Variants in TRAF3 observed in about 807,000 individuals in gnomAD.
TRAF3 encodes TNF receptor associated factor 3.
In TRAF3, 13 loss-of-function variants were observed where a neutral mutation model predicts 62.3. That is an observed-to-expected ratio of 0.21 (90% CI 0.14 to 0.33). The LOEUF (loss-of-function observed/expected upper bound fraction) is 0.33, where lower values mean the gene tolerates loss of function less well. Among genes scored for constraint, TRAF3 ranks in the 10% least tolerant of loss-of-function variants. The probability of loss-of-function intolerance (pLI) is 1.00; values close to 1 mark genes in which losing one functional copy is unlikely to be tolerated. For synonymous variants in TRAF3, 269 were observed against 283.4 expected, an observed-to-expected ratio of 0.95 and a Z score of 0.51; for missense variants, 440 against 741.8, an observed-to-expected ratio of 0.59 and a Z score of 4.73.
In TRAF3 at chr14:102,903,678, A is replaced by G. The variant is rs1235915561; in HGVS notation, c.1135+249A>G. 1 of 629,046 alleles carries G rather than the reference A, an allele frequency of 1.6e-6. No individual in the cohort carries two copies. Among genetic ancestry groups the G allele is most frequent in the Non-Finnish European group, 2.9e-6 (1 of 343,534 alleles). 39.0% of individuals were successfully genotyped at this position (629,046 alleles called of 1,614,324 possible). On this transcript the variant is annotated intron_variant, in intron 11 of 11. Transcript: ENST00000392745. This position sits in a 1 kb window ranked among gnomAD's most constrained non-coding sequence, Gnocchi z 6.4. Reference sequence around the variant, plus strand: ...TGGTGTAGAAAGTAGGGGCAGCTGCAGCCACGGGAAGCTGCAAAGCCCTCC... The same window carrying G: ...TGGTGTAGAAAGTAGGGGCAGCTGCGGCCACGGGAAGCTGCAAAGCCCTCC...
intron 4 of TRAF3, among the ~76,000 whole-genome samples, chr14:102,872,210 A>G (rs968781890): frequency 6.6e-6 from 1 of 152,126 alleles, no homozygotes; most frequent in Admixed American, 6.5e-5. Flanking sequence ...ACCTGTAATA[A>G]TCATATCACC....
At chr14:102,796,690 C>T (rs146528623) in intron 1 of TRAF3, among the ~76,000 whole-genome samples, 1 of 152,354 alleles carries the variant, frequency 6.6e-6, no homozygotes, top group Non-Finnish European at 1.5e-5. Context: ...CCCGGAATGA[C>T]TGGCTGCTGC....
intron 10 of TRAF3, among the ~76,000 whole-genome samples, chr14:102,900,291 A>G (rs1890225260): frequency 6.6e-6 from 1 of 151,684 alleles, no homozygotes; most frequent in Non-Finnish European, 1.5e-5. Context: ...TCACGAGGTC[A>G]GGAGTTCAAG....
chr14:102,883,387 T>C (rs1047672026), intron 6 of TRAF3, among the ~76,000 whole-genome samples: 1 of 152,190 alleles, frequency 6.6e-6, no homozygotes, highest in African/African-American at 2.4e-5. Context: ...CAGTGTTTCA[T>C]TTGGCACACA....
At chr14:102,795,726 ACT>A (rs1291312521) in intron 1 of TRAF3, among the ~76,000 whole-genome samples, 1 of 151,824 alleles carries the variant, frequency 6.6e-6, no homozygotes, top group Non-Finnish European at 1.5e-5. Flanking sequence ...CCAAGGCAGG[ACT>A]CTAATCTGAC....
At chr14:102,779,926 C>T (rs1185382523) in intron 1 of TRAF3, among the ~76,000 whole-genome samples, 5 of 152,218 alleles carry the variant, frequency 3.3e-5, no homozygotes, top group African/African-American at 7.2e-5. Flanking sequence ...GCAGAGGCGA[C>T]GTCTCGTGGC....
At chr14:102,847,265 C>G (rs1347536413) in intron 2 of TRAF3, among the ~76,000 whole-genome samples, 1 of 152,178 alleles carries the variant, frequency 6.6e-6, no homozygotes, top group African/African-American at 2.4e-5. Flanking sequence ...GCCTCCGCCT[C>G]CTGGGTTCAA....
At chr14:102,813,311 A>G (rs138968824) in intron 1 of TRAF3, among the ~76,000 whole-genome samples, 103 of 152,086 alleles carry the variant, frequency 6.8e-4, no homozygotes, top group Non-Finnish European at 1.3e-3. Context: ...CTGGGGTGAG[A>G]TGATACCTCA....
Position 102,896,812 on chromosome 14 carries a change from C to G in TRAF3, c.820-449C>G, listed in dbSNP as rs1049258876. On this transcript the variant is annotated intron_variant, in intron 9 of 11. Coordinates refer to ENST00000392745, the MANE Select transcript of TRAF3 (RefSeq NM_145725.3). The stretch of plus-strand genomic sequence containing the variant: ...GGTATGGTGACTCACACCTCTAATC[C>G]CAACTCTTTGAGAGGCTGAGGTAGT... 1.6e-4 allele frequency among the ~76,000 whole-genome samples: 25 copies of G among 152,120 alleles called. 1 individual carries two copies. Among genetic ancestry groups the G allele is most frequent in the Admixed American group, 1.1e-3 (17 of 15,266 alleles).
chr14:102,902,486 G>T (rs1165420281), intron 10 of TRAF3, among the ~76,000 whole-genome samples: 1 of 152,196 alleles, frequency 6.6e-6, no homozygotes, highest in African/African-American at 2.4e-5. Flanking sequence ...GCCTTTAGAC[G>T]TTCCAAGGGA....
At position 102,905,577 on chromosome 14, in the gene TRAF3, T is replaced by C. The variant is rs1300363247; in HGVS notation, c.1500T>C (p.Asp500=). 1 of 1,614,176 alleles carries C rather than the reference T, an allele frequency of 6.2e-7. No individual in the cohort carries two copies. The highest frequency in any genetic ancestry group is 2.2e-5 in the East Asian group (1 of 44,894). The stretch of plus-strand genomic sequence containing the variant: ...AGAAAGTGACACTCATGCTGATGGA[T>C]CAGGGGTCCTCTCGACGTCATTTGG... The part of the protein sequence containing the change: ...FKQKVTLMLM[D]QGSSRRHLGD... The change falls in exon 12 of 12, where the codon GAT becomes GAC. Residue 500 remains aspartate, a synonymous_variant. Transcript: ENST00000392745.
chr14:102,796,208 T>C (rs531614657), intron 1 of TRAF3, among the ~76,000 whole-genome samples: 46 of 152,314 alleles, frequency 3.0e-4, no homozygotes, highest in African/African-American at 1.0e-3. Flanking sequence ...ACAGCAAGAC[T>C]GTCTCAAAAA....
intron 4 of TRAF3, among the ~76,000 whole-genome samples, chr14:102,872,699 C>CTT (rs561941029): frequency 0.035 from 5,206 of 148,200 alleles, 102 homozygotes; most frequent in Admixed American, 0.059. Flanking sequence ...TCTTCTTTTT[C>CTT]TTTTTTTTTT....
intron 2 of TRAF3, among the ~76,000 whole-genome samples, chr14:102,856,869 C>G (rs1887403461): frequency 1.3e-5 from 2 of 152,110 alleles, no homozygotes; most frequent in Admixed American, 1.3e-4. Context: ...GAGAAGAGCT[C>G]AGTCAGAAAG....
chr14:102,830,237 T>C (rs1900593787), intron 1 of TRAF3, 97 bp from the exon 2 acceptor site: 1 of 152,264 alleles, frequency 6.6e-6, no homozygotes, highest in Non-Finnish European at 1.5e-5. Flanking sequence ...AGCTTGAGGA[T>C]AGACTGGCCT....
chr14:102,807,509 T>C (rs1173803338), intron 1 of TRAF3, among the ~76,000 whole-genome samples: 4 of 152,288 alleles, frequency 2.6e-5, no homozygotes, highest in Non-Finnish European at 5.9e-5. Context: ...CCCAGGCCGG[T>C]CTTGGTCTCC....
chr14:102,855,843 A>G (rs909561052), intron 2 of TRAF3, among the ~76,000 whole-genome samples: 1 of 151,578 alleles, frequency 6.6e-6, no homozygotes, highest in African/African-American at 2.4e-5. Flanking sequence ...TGTAATTCCA[A>G]CATTTTGGGA....
Position 102,847,386 on chromosome 14 carries a change from G to T in TRAF3, c.-18+16914G>T, listed in dbSNP as rs1231136586. Among the ~76,000 whole-genome samples the T allele has an allele frequency of 2.6e-5, 4 of 152,214 alleles. No individual in the cohort carries two copies. In the East Asian group the frequency reaches 7.7e-4, roughly 29 times the overall value. On this transcript the variant is annotated intron_variant, in intron 2 of 11. Coordinates refer to ENST00000392745, the MANE Select transcript of TRAF3 (RefSeq NM_145725.3). ...GATGGCGTTTTACCATATTGGCCCGGCTGGTCTCGAACTCCTGACCTCAGG... is the reference window on the plus strand; with the variant it reads ...GATGGCGTTTTACCATATTGGCCCGTCTGGTCTCGAACTCCTGACCTCAGG...
At chr14:102,892,394 A>G (rs566656824) in intron 9 of TRAF3, among the ~76,000 whole-genome samples, 121 of 152,318 alleles carry the variant, frequency 7.9e-4, no homozygotes, top group African/African-American at 2.9e-3. Flanking sequence ...TTGCAGGCCT[A>G]TAGGCGCAGG....
Sources: allele counts gnomAD v4.1 joint callset (sites outside exome capture counted in the v4.1 genomes callset), GRCh38; gene constraint gnomAD v4.1.1; non-coding constraint Gnocchi (gnomAD v3.1); transcripts MANE v1.5; gene names NCBI Gene and HGNC (gene_info 2026-07-23, HGNC 2026-07-21).